Variants in CALCR observed in about 807,000 individuals in gnomAD.
CALCR encodes calcitonin receptor.
CALCR carries 47 observed loss-of-function variants against 59.5 expected under a neutral mutation model. That is an observed-to-expected ratio of 0.79 (90% CI 0.63 to 1.01). The LOEUF (loss-of-function observed/expected upper bound fraction) is 1.01, where lower values mean the gene tolerates loss of function less well. CALCR is among the 50% of genes least tolerant of loss of function. The pLI is 0.00. For synonymous variants in CALCR, 213 were observed against 211.3 expected, an observed-to-expected ratio of 1.01 and a Z score of -0.07; for missense variants, 566 against 597.1, an observed-to-expected ratio of 0.95 and a Z score of 0.54.
rs114742492 is a variant in CALCR, at chr7:93,461,347, T to G, written c.522-400A>C. ...AACCAGGAAGAAAATATGTGGCCAGTGAGGTCACAGAGCGTGAAGTCAGAA... is the reference window on the plus strand; with the variant it reads ...AACCAGGAAGAAAATATGTGGCCAGGGAGGTCACAGAGCGTGAAGTCAGAA... On this transcript the variant is annotated intron_variant, in intron 7 of 13. Coordinates refer to ENST00000426151, the MANE Select transcript of CALCR (RefSeq NM_001742.4). Among the ~76,000 whole-genome samples, 508 of 152,284 alleles carry G rather than the reference T, an allele frequency of 3.3e-3. 4 individuals are homozygous for G. Among genetic ancestry groups the G allele is most frequent in the African/African-American group, 0.011 (471 of 41,572 alleles).
chr7:93,503,494 G>C (rs1801365231), intron 2 of CALCR, among the ~76,000 whole-genome samples: 1 of 152,010 alleles, frequency 6.6e-6, no homozygotes, highest in Admixed American at 6.6e-5. Flanking sequence ...GATGGTACTA[G>C]AACCTCTCCA....
At chr7:93,430,967 T>G (rs1158846120) in intron 13 of CALCR, among the ~76,000 whole-genome samples, 2 of 152,184 alleles carry the variant, frequency 1.3e-5, no homozygotes, top group East Asian at 3.8e-4. Flanking sequence ...AGTGGGAGAA[T>G]TTCTAAACAG....
chr7:93,438,026 A>G, intron 11 of CALCR, 34 bp downstream of exon 11: 1 of 1,512,470 alleles, frequency 6.6e-7, no homozygotes, highest in Non-Finnish European at 9.2e-7. Flanking sequence ...AAGAGATAAT[A>G]CTACTAATAT....
intron 5 of CALCR, among the ~76,000 whole-genome samples, chr7:93,473,141 C>T (rs1338007932): frequency 1.3e-5 from 2 of 151,734 alleles, no homozygotes; most frequent in Non-Finnish European, 2.9e-5. Flanking sequence ...TTAATGTTGA[C>T]TTTTTAAAGT....
At chr7:93,545,281 C>T (rs1422002561) in intron 2 of CALCR, among the ~76,000 whole-genome samples, 1 of 151,910 alleles carries the variant, frequency 6.6e-6, no homozygotes, top group Non-Finnish European at 1.5e-5. Flanking sequence ...GATTAAAAAT[C>T]CTGTCCTCTG....
chr7:93,564,834 G>A (rs1260380863), intron 2 of CALCR, among the ~76,000 whole-genome samples: 1 of 152,036 alleles, frequency 6.6e-6, no homozygotes. Flanking sequence ...TAGGAATAGG[G>A]CAAAATAAAA....
At chr7:93,516,416 G>T (rs1031217484) in intron 2 of CALCR, among the ~76,000 whole-genome samples, 3 of 151,852 alleles carry the variant, frequency 2.0e-5, no homozygotes, top group Non-Finnish European at 4.4e-5. Flanking sequence ...TTTGCTGCAA[G>T]GATACTAAAC....
chr7:93,525,595 G>C (rs1801860286), intron 2 of CALCR, among the ~76,000 whole-genome samples: 1 of 152,186 alleles, frequency 6.6e-6, no homozygotes, highest in Admixed American at 6.5e-5. Flanking sequence ...CTGGCTAACA[G>C]TACTGCAGTT....
At chr7:93,461,225 C>T (rs907426133) in intron 7 of CALCR, among the ~76,000 whole-genome samples, 4 of 152,122 alleles carry the variant, frequency 2.6e-5, no homozygotes, top group Admixed American at 2.6e-4. Flanking sequence ...TTAATTATAA[C>T]AAATGTTGTA....
intron 5 of CALCR, among the ~76,000 whole-genome samples, chr7:93,474,877 T>G (rs191188576): frequency 6.6e-6 from 1 of 151,828 alleles, no homozygotes; most frequent in Non-Finnish European, 1.5e-5. Context: ...GATGGCTATG[T>G]TCTTTTTTAG....
chr7:93,491,646 A>T (rs1225203938), intron 2 of CALCR, among the ~76,000 whole-genome samples: 1 of 151,952 alleles, frequency 6.6e-6, no homozygotes, highest in East Asian at 1.9e-4. Flanking sequence ...ACAAACATGA[A>T]ATAAAGCTCA....
chr7:93,474,092 C>T (rs887413597), intron 5 of CALCR, among the ~76,000 whole-genome samples: 3 of 151,630 alleles, frequency 2.0e-5, no homozygotes, highest in Non-Finnish European at 2.9e-5. Flanking sequence ...ACATCAAGTG[C>T]TCCATCTTAA....
chr7:93,472,758 T>C (rs371558542), intron 5 of CALCR, among the ~76,000 whole-genome samples: 10 of 149,608 alleles, frequency 6.7e-5, no homozygotes, highest in Middle Eastern at 3.4e-3. Context: ...GTCATGGAGC[T>C]TGAGATTGAA....
At chr7:93,472,778 A>G (rs1800581906) in intron 5 of CALCR, among the ~76,000 whole-genome samples, 1 of 151,808 alleles carries the variant, frequency 6.6e-6, no homozygotes. Context: ...ACCAGGATTT[A>G]GACCCAAAGA....
At chr7:93,509,453 A>G (rs1364671384) in intron 2 of CALCR, among the ~76,000 whole-genome samples, 4 of 152,184 alleles carry the variant, frequency 2.6e-5, no homozygotes, top group Non-Finnish European at 5.9e-5. Flanking sequence ...TGGACCCTTT[A>G]GTACACAGGA....
intron 8 of CALCR, among the ~76,000 whole-genome samples, chr7:93,445,946 G>T (rs1165478944): frequency 2.0e-5 from 3 of 151,974 alleles, no homozygotes; most frequent in Non-Finnish European, 4.4e-5. Context: ...AAGGACATTT[G>T]TTCGTAGTAT....
At chr7:93,548,185 C>T (rs1789343263) in intron 2 of CALCR, among the ~76,000 whole-genome samples, 1 of 152,174 alleles carries the variant, frequency 6.6e-6, no homozygotes, top group African/African-American at 2.4e-5. Context: ...TTCATAAACA[C>T]CCTTCTCCCA....
chr7:93,523,599 T>C (rs1247390066), intron 2 of CALCR, among the ~76,000 whole-genome samples: 1 of 152,198 alleles, frequency 6.6e-6, no homozygotes, highest in East Asian at 1.9e-4. Flanking sequence ...TTTGAGAAAA[T>C]AACTCATATT....
At chr7:93,553,575 G>A (rs1789520893) in intron 2 of CALCR, among the ~76,000 whole-genome samples, 3 of 151,892 alleles carry the variant, frequency 2.0e-5, no homozygotes, top group African/African-American at 7.3e-5. Flanking sequence ...CTGTCAATAA[G>A]CTCTGCTCAT....
Sources: gnomAD v4.1 joint callset for allele counts (sites outside exome capture counted in the v4.1 genomes callset) on GRCh38, gnomAD v4.1.1 for gene constraint, MANE v1.5 for transcripts, NCBI Gene and HGNC (gene_info 2026-07-23, HGNC 2026-07-21) for gene names.